CHN2: variants seen among roughly 807,000 people sequenced by gnomAD.
CHN2 encodes chimerin 2.
A neutral mutation model predicts 56.3 loss-of-function variants in CHN2; 35 were observed. The ratio of observed to expected loss-of-function variants is 0.62; its 90% CI spans 0.47 to 0.82. The LOEUF is 0.82. Ranked by LOEUF, CHN2 falls within the 40% of genes least tolerant of loss-of-function variation. The pLI, the probability that CHN2 is intolerant of heterozygous loss-of-function variation, is 0.00. For synonymous variants in CHN2, 210 were observed against 212.8 expected (o/e 0.99, Z 0.12); for missense variants, 491 against 580.5 (o/e 0.85, Z 1.58).
At chr7:29,255,100 T>C (rs1253744697) in intron 1 of CHN2, among the ~76,000 whole-genome samples, 1 of 152,068 alleles carries the variant, frequency 6.6e-6, no homozygotes, top group East Asian at 1.9e-4. Context: ...CACCCAAGAA[T>C]GGACAGTGGG....
At chr7:29,386,513 G>A (rs1800927917) in intron 3 of CHN2, among the ~76,000 whole-genome samples, 1 of 152,162 alleles carries the variant, frequency 6.6e-6, no homozygotes, top group Non-Finnish European at 1.5e-5. Flanking sequence ...TGGAAACCTT[G>A]TTTACAGAGG....
intron 8 of CHN2, among the ~76,000 whole-genome samples, chr7:29,497,241 C>A (rs1404196248): frequency 6.6e-6 from 1 of 152,202 alleles, no homozygotes; most frequent in South Asian, 2.1e-4. Context: ...GGAGCCACAA[C>A]GTATCTCCCA....
chr7:29,277,674 T>C lies in CHN2; in HGVS notation c.50-76951T>C, dbSNP rs1791347602. Among the ~76,000 whole-genome samples the C allele has an allele frequency of 2.0e-5, 3 of 152,206 alleles. No individual in the cohort carries two copies. In the South Asian group the frequency reaches 6.2e-4, roughly 31 times the overall value. ...CACCAGCCTGCCCACACCTGTTGGC[T>C]GTAAAGTCATTGCACACATACTGTG... On this transcript the variant is annotated intron_variant, in intron 1 of 12. Transcript: ENST00000222792.
chr7:29,177,807 A>T lies in CHN2; in HGVS notation c.274+30847A>T, dbSNP rs147987274. Among the ~76,000 whole-genome samples the T allele has an allele frequency of 5.3e-3, 813 of 152,042 alleles. 1 individual carries two copies. The highest frequency in any genetic ancestry group is 9.5e-3 in the Non-Finnish European group (648 of 67,992). On this transcript the variant is annotated intron_variant, in intron 2 of 6. Transcript: ENST00000439384. ...CACCTATCTATCTGTTCTTTCATTCATTCACTTTATAACCAAAATCTTTTT... is the reference window on the plus strand; with the variant it reads ...CACCTATCTATCTGTTCTTTCATTCTTTCACTTTATAACCAAAATCTTTTT...
chr7:29,512,191 A>AAG lies in CHN2; in HGVS notation c.1236-373_1236-372insAG, dbSNP rs1562682479. The stretch of plus-strand genomic sequence containing the variant: ...GGAAGCCACAAGAGGGAAAAAAAAA[A>AAG]CGCCTTCTGTATAAGGCCTATGAAA... On this transcript the variant is annotated intron_variant, in intron 12 of 12. Coordinates refer to ENST00000222792, the MANE Select transcript of CHN2 (RefSeq NM_004067.4). 3.1e-3 allele frequency among the ~76,000 whole-genome samples: 463 copies of AAG among 150,464 alleles called. 4 individuals are homozygous for AAG. The highest frequency in any genetic ancestry group is 0.011 in the African/African-American group (448 of 40,758).
At chr7:29,397,339 G>T (rs147832754) in intron 4 of CHN2, 3 of 152,328 alleles carry the variant, frequency 2.0e-5, no homozygotes, top group East Asian at 3.9e-4. Flanking sequence ...CAAAACAAAA[G>T]AAAATTTGTC....
chr7:29,156,799 A>G (rs1794435159), intron 2 of CHN2, among the ~76,000 whole-genome samples: 1 of 135,696 alleles, frequency 7.4e-6, no homozygotes, highest in Non-Finnish European at 1.6e-5. Flanking sequence ...AAAGTCCAAG[A>G]AGTCATAATT....
Position 29,473,482 on chromosome 7 carries a change from T to TTG in CHN2, c.577-6773_577-6772dup, listed in dbSNP as rs1554299030. ...TGTGTGTGTTTGTGTTTTTTTTTTT[T>TTG]TGTGTGTGTGTGTGTGTGTGTGTGT... On this transcript the variant is annotated intron_variant, in intron 6 of 12. Transcript: ENST00000222792. Among the ~76,000 whole-genome samples the TTG allele has an allele frequency of 3.7e-3, 443 of 118,138 alleles. 7 individuals carry two copies. The highest frequency in any genetic ancestry group is 4.4e-3 in the Admixed American group (51 of 11,542). The allele number at this position is 118,138 out of a possible 152,430, so 77.5% of individuals were successfully genotyped here. A position where few individuals can be genotyped will look rare whatever the true frequency, so the allele number is the denominator to read the frequency against.
chr7:29,316,786 A>G (rs1314898446), intron 1 of CHN2, among the ~76,000 whole-genome samples: 1 of 152,086 alleles, frequency 6.6e-6, no homozygotes, highest in African/African-American at 2.4e-5. Flanking sequence ...TAAGCTTTCT[A>G]GAGTATGGAG....
At chr7:29,479,774 G>T in intron 6 of CHN2, 2 of 1,193,760 alleles carry the variant, frequency 1.7e-6, no homozygotes, top group Non-Finnish European at 1.1e-6. Flanking sequence ...ATGTGCTGCG[G>T]CAGGAGAAAG....
intron 6 of CHN2, among the ~76,000 whole-genome samples, chr7:29,402,057 C>T (rs1802258469): frequency 6.6e-6 from 1 of 152,176 alleles, no homozygotes; most frequent in Non-Finnish European, 1.5e-5. Flanking sequence ...GGTCACTAAT[C>T]CTAGTTAAAC....
At chr7:29,425,296 C>T (rs1047499931) in intron 6 of CHN2, among the ~76,000 whole-genome samples, 6 of 152,236 alleles carry the variant, frequency 3.9e-5, no homozygotes, top group African/African-American at 1.4e-4. Flanking sequence ...TCTCCTCCCA[C>T]TACTGCAATC....
intron 3 of CHN2, among the ~76,000 whole-genome samples, chr7:29,373,933 A>C (rs186320413): frequency 1.4e-4 from 21 of 152,308 alleles, no homozygotes; most frequent in African/African-American, 5.1e-4. Context: ...GTTTTAAAAC[A>C]AAGTGCATTT....
intron 2 of CHN2, among the ~76,000 whole-genome samples, chr7:29,177,231 T>C (rs1455394846): frequency 1.1e-5 from 1 of 91,626 alleles, no homozygotes; most frequent in African/African-American, 5.4e-5. Flanking sequence ...TTTCTTTTTT[T>C]GTTTTATTTT....
At chr7:29,357,870 C>A (rs1356156133) in intron 2 of CHN2, among the ~76,000 whole-genome samples, 1 of 152,114 alleles carries the variant, frequency 6.6e-6, no homozygotes, top group Non-Finnish European at 1.5e-5. Flanking sequence ...TTGGTAAACC[C>A]GTTGTGAACC....
At chr7:29,512,486 G>T in intron 12 of CHN2, 78 bp from the exon 13 acceptor site, 1 of 1,256,884 alleles carries the variant, frequency 8.0e-7, no homozygotes, top group Non-Finnish European at 1.1e-6. Flanking sequence ...ATGTTATCGG[G>T]ACTTACATAC....
chr7:29,330,760 G>A (rs1796153707), intron 1 of CHN2, among the ~76,000 whole-genome samples: 1 of 152,176 alleles, frequency 6.6e-6, no homozygotes, highest in Admixed American at 6.5e-5. Flanking sequence ...AAAGGAAAGG[G>A]GAGAGCGTTG....
chr7:29,279,258 C>T (rs1442841639), intron 1 of CHN2, among the ~76,000 whole-genome samples: 1 of 152,234 alleles, frequency 6.6e-6, no homozygotes, highest in Non-Finnish European at 1.5e-5. Context: ...TATGCTCCAA[C>T]CCCCGAAAAA....
intron 1 of CHN2, among the ~76,000 whole-genome samples, chr7:29,334,748 C>G (rs181178202): frequency 0.052 from 7,824 of 151,408 alleles, 275 homozygotes; most frequent in African/African-American, 0.097. Context: ...AGAGCCAGAC[C>G]CTGTCTCAAA....
Sources: gnomAD v4.1 joint callset for allele counts (sites outside exome capture counted in the v4.1 genomes callset) on GRCh38, gnomAD v4.1.1 for gene constraint, MANE v1.5 for transcripts, NCBI Gene and HGNC (gene_info 2026-07-23, HGNC 2026-07-21) for gene names.